PCNT: variants seen among roughly 807,000 people sequenced by gnomAD.
PCNT encodes kendrin.
PCNT carries 319 observed loss-of-function variants against 380.4 expected under a neutral mutation model. The observed-to-expected ratio is 0.84, with a 90% confidence interval of 0.77 to 0.92. The LOEUF (loss-of-function observed/expected upper bound fraction) is 0.92, where lower values mean the gene tolerates loss of function less well. Ranked by LOEUF, PCNT falls within the 40% of genes least tolerant of loss-of-function variation. The probability of loss-of-function intolerance (pLI) is 0.00; values close to 1 mark genes in which losing one functional copy is unlikely to be tolerated. For missense variants in PCNT, 4,400 were observed against 4,255.3 expected, an observed-to-expected ratio of 1.03 and a Z score of -0.95; for synonymous variants, 1,845 against 1,735.2, an observed-to-expected ratio of 1.06 and a Z score of -1.57.
chr21:46,354,431 G>A (rs1386243736), intron 11 of PCNT, among the ~76,000 whole-genome samples: 1 of 152,224 alleles, frequency 6.6e-6, no homozygotes, highest in Non-Finnish European at 1.5e-5. Context: ...TGGCTTTTGT[G>A]TTTCTTCCTT....
At chr21:46,428,705 C>T (rs2087614572) in intron 35 of PCNT, 115 bp downstream of exon 35, 2 of 941,660 alleles carry the variant, frequency 2.1e-6, no homozygotes, top group East Asian at 2.6e-5. Flanking sequence ...TAGTCAAGCC[C>T]CTGAGTGTTG....
In PCNT at chr21:46,399,724, C is replaced by T. The variant is rs1370978865; in HGVS notation, c.4719C>T (p.Asn1573=). Residue 1573 remains asparagine, a synonymous_variant, in exon 25 of 47, where the codon AAC becomes AAT. Transcript: ENST00000359568. Reference sequence around the variant, plus strand: ...AACGTCTGGAGGAGATGAACATCAACATCAGGAAAAAAGTGGCCCAGCTCC... The same window carrying T: ...AACGTCTGGAGGAGATGAACATCAATATCAGGAAAAAAGTGGCCCAGCTCC... ...EIKRLEEMNI[N]IRKKVAQLQE... 1 of 1,614,054 alleles carries T rather than the reference C, an allele frequency of 6.2e-7. No homozygotes were observed. The highest frequency in any genetic ancestry group is 1.1e-5 in the South Asian group (1 of 91,080).
intron 13 of PCNT, among the ~76,000 whole-genome samples, chr21:46,358,711 A>G (rs569784411): frequency 9.1e-5 from 13 of 142,428 alleles, no homozygotes; most frequent in Non-Finnish European, 2.0e-4. Flanking sequence ...TGCAACCTTC[A>G]CCTCCTGGCT....
intron 13 of PCNT, among the ~76,000 whole-genome samples, chr21:46,359,822 G>T (rs2084639940): frequency 6.6e-6 from 1 of 150,944 alleles, no homozygotes; most frequent in Non-Finnish European, 1.5e-5. Context: ...CAACCTTCGT[G>T]TGCATTTTGT....
chr21:46,442,843 T>C (rs541246087), intron 44 of PCNT: 1 of 522,628 alleles, frequency 1.9e-6, no homozygotes, highest in African/African-American at 1.9e-5. Flanking sequence ...TTAATAGTGT[T>C]TAGCAAAATG....
In PCNT at chr21:46,411,528, G is replaced by T. The variant is rs532231336; in HGVS notation, c.5455G>T (p.Ala1819Ser). 20 of 1,610,440 alleles carry T rather than the reference G, an allele frequency of 1.2e-5. No individual in the cohort carries two copies. The highest frequency in any genetic ancestry group is 3.4e-4 in the Middle Eastern group (2 of 5,962). ...GCGCAGGCACAGCCAGGCCCTGGAG[G>T]CCCTGCAGCAGCGCCTCCAGGGCGC... Reference protein sequence around the residue: ...QERRHSQALEALQQRLQGAEE... With the variant: ...QERRHSQALESLQQRLQGAEE... The change falls in exon 28 of 47, where the codon GCC becomes TCC. Residue 1819 changes from alanine (A) to serine (S), a missense_variant. Transcript: ENST00000359568.
rs1324866845 is a variant in PCNT, at chr21:46,366,578, C to G, written c.2610-6C>G. 1 of 1,613,106 alleles carries G rather than the reference C, an allele frequency of 6.2e-7. No individual in the cohort carries two copies. Among genetic ancestry groups the G allele is most frequent in the Admixed American group, 1.7e-5 (1 of 60,020 alleles). On this transcript the variant is annotated splice_region_variant and splice_polypyrimidine_tract_variant and intron_variant, in intron 14 of 46. Transcript: ENST00000359568. The stretch of plus-strand genomic sequence containing the variant: ...TAACTGTCCTGTGTTCACTTTGTTG[C>G]CGCAGGTTTTTAGAGGAACGTAAAG...
intron 15 of PCNT, among the ~76,000 whole-genome samples, chr21:46,371,981 CAT>C (rs2085152005): frequency 6.6e-6 from 1 of 150,462 alleles, no homozygotes; most frequent in African/African-American, 2.4e-5. Context: ...CACATACACA[CAT>C]GCAGCACATG....
chr21:46,405,018 C>T (rs746520343), intron 27 of PCNT, among the ~76,000 whole-genome samples: 12 of 152,114 alleles, frequency 7.9e-5, no homozygotes, highest in African/African-American at 1.7e-4. Flanking sequence ...GTGGGAGGAT[C>T]GTTTGAGCCC....
In PCNT at chr21:46,329,591, G is replaced by A. The variant is rs117669127; in HGVS notation, c.267+3002G>A. Among the ~76,000 whole-genome samples the A allele has an allele frequency of 3.4e-3, 520 of 152,166 alleles. 1 individual carries two copies. The highest frequency in any genetic ancestry group is 5.7e-3 in the Non-Finnish European group (385 of 68,010). ...GTCCCCTTGACTTAGAGATGCACACGCACACTCACTGCACTTGCTGCATTT... is the reference window on the plus strand; with the variant it reads ...GTCCCCTTGACTTAGAGATGCACACACACACTCACTGCACTTGCTGCATTT... On this transcript the variant is annotated intron_variant, in intron 2 of 46. Transcript: ENST00000359568.
intron 15 of PCNT, among the ~76,000 whole-genome samples, chr21:46,374,408 A>G (rs759585726): frequency 9.9e-5 from 15 of 152,110 alleles, no homozygotes; most frequent in South Asian, 2.1e-4. Context: ...ATCAGGATCT[A>G]TTTGTTCCTG....
rs989171137 is a variant in PCNT at position 46,382,808 on chromosome 21, A to G, written c.3312+968A>G. 4.2e-4 allele frequency among the ~76,000 whole-genome samples: 50 copies of G among 119,536 alleles called. 7 individuals are homozygous for G. The highest frequency in any genetic ancestry group is 2.7e-3 in the South Asian group (9 of 3,346). 78.4% of individuals were successfully genotyped at this position (119,536 alleles called of 152,430 possible). On this transcript the variant is annotated intron_variant, in intron 16 of 46. Transcript: ENST00000359568. ...TGACAGAAGCGCATTCACGGTGTGC[A>G]TTCAGTGGCGGAAGCGCATTCACGG...
chr21:46,360,924 G>A (rs546018442), intron 13 of PCNT, among the ~76,000 whole-genome samples: 2 of 152,266 alleles, frequency 1.3e-5, no homozygotes, highest in South Asian at 2.1e-4. Flanking sequence ...TAGGTCTTCC[G>A]TTTCACTGTT....
Position 46,425,893 on chromosome 21 carries a change from A to AC in PCNT, c.7247dup (p.Ser2417LysfsTer46). Reference sequence around the variant, plus strand: ...TCCTGGCGCTGTCAGAAGGCCTTGCACCCCCAAGCGGCGAGCCACACCCAC... The same window carrying AC: ...TCCTGGCGCTGTCAGAAGGCCTTGCACCCCCCAAGCGGCGAGCCACACCCAC... On this transcript the variant is annotated frameshift_variant, in exon 33 of 47. Transcript: ENST00000359568. LOFTEE classifies it high-confidence loss of function. This position sits in a 1 kb window ranked among gnomAD's most constrained non-coding sequence, Gnocchi z 4.2. 1.9e-6 allele frequency: 3 copies of AC among 1,613,172 alleles called. 1 individual carries two copies. Among genetic ancestry groups the AC allele is most frequent in the South Asian group, 2.2e-5 (2 of 91,064 alleles).
chr21:46,413,865 G>A (rs996220326), intron 29 of PCNT, among the ~76,000 whole-genome samples: 4 of 152,212 alleles, frequency 2.6e-5, no homozygotes, highest in African/African-American at 4.8e-5. Flanking sequence ...CGAGAAAAGC[G>A]GGTGCTGGTG....
chr21:46,406,868 G>A (rs538132683), intron 27 of PCNT, among the ~76,000 whole-genome samples: 41 of 152,284 alleles, frequency 2.7e-4, no homozygotes, highest in South Asian at 1.7e-3. Context: ...TTATTTCTTG[G>A]AGATTAAACT....
At chr21:46,349,622 T>C in intron 7 of PCNT, 62 bp from the exon 8 acceptor site, 4 of 1,559,330 alleles carry the variant, frequency 2.6e-6, no homozygotes, top group Non-Finnish European at 2.7e-6. Flanking sequence ...TTATTGTCAC[T>C]GAGGTCGCTG....
chr21:46,361,373 A>C (rs2084710464), intron 13 of PCNT, among the ~76,000 whole-genome samples: 1 of 152,262 alleles, frequency 6.6e-6, no homozygotes, highest in Admixed American at 6.5e-5. Flanking sequence ...CCTGAGCGGC[A>C]GAGCGAGACT....
At chr21:46,416,006 A>G in intron 29 of PCNT, 63 bp from the exon 30 acceptor site, 2 of 1,549,808 alleles carry the variant, frequency 1.3e-6, no homozygotes, top group Non-Finnish European at 1.8e-6. Flanking sequence ...CATTAACACC[A>G]GACAGGTGCG....
Sources: allele counts gnomAD v4.1 joint callset (sites outside exome capture counted in the v4.1 genomes callset), GRCh38; gene constraint gnomAD v4.1.1; non-coding constraint Gnocchi (gnomAD v3.1); transcripts MANE v1.5; gene names NCBI Gene and HGNC (gene_info 2026-07-23, HGNC 2026-07-21).